The following RBBP5 variants were observed in gnomAD, a reference collection of about 807,000 sequenced individuals.
RBBP5 encodes RB binding protein 5, histone lysine methyltransferase complex subunit.
Under a neutral mutation model 72.2 loss-of-function variants are expected in RBBP5, and 5 were observed. The ratio of observed to expected loss-of-function variants is 0.07; its 90% CI spans 0.04 to 0.15. The LOEUF (loss-of-function observed/expected upper bound fraction) is 0.15, where lower values mean the gene tolerates loss of function less well. Among genes scored for constraint, RBBP5 ranks in the 10% least tolerant of loss-of-function variants. The pLI is 1.00. For missense variants in RBBP5, 322 were observed against 652.2 expected (o/e 0.49, Z 5.51); for synonymous variants, 209 against 237.2 (o/e 0.88, Z 1.09).
chr1:205,121,967 G>T lies in RBBP5; in HGVS notation c.-94C>A. On this transcript the variant is annotated 5_prime_UTR_variant, in exon 1 of 14. Coordinates refer to ENST00000264515, the MANE Select transcript of RBBP5 (RefSeq NM_005057.4). The stretch of plus-strand genomic sequence containing the variant: ...CTTGCGTCTAAGTGGTGGACGCCGC[G>T]AAGAGACTGGCGCAAGCTCCGAAGA... 1 of 1,569,092 alleles carries T rather than the reference G, an allele frequency of 6.4e-7. No homozygotes were observed. Among genetic ancestry groups the T allele is most frequent in the Non-Finnish European group, 8.7e-7 (1 of 1,155,748 alleles).
chr1:205,114,358 T>C (rs1377534089), intron 3 of RBBP5, among the ~76,000 whole-genome samples: 2 of 152,248 alleles, frequency 1.3e-5, no homozygotes, highest in Non-Finnish European at 2.9e-5. Flanking sequence ...TTTTTACGTT[T>C]TCTATAAAGC....
chr1:205,099,234 GA>G lies in RBBP5; in HGVS notation c.979-129del, dbSNP rs892057695. The stretch of plus-strand genomic sequence containing the variant: ...TTCTTAGATTAAATTTGGCAGACAA[GA>G]AAAAAATGGGTATCTGTAAGTTTTA... On this transcript the variant is annotated intron_variant, in intron 9 of 13. Transcript: ENST00000264515. The surrounding 1 kb of genome is among the most constrained non-coding windows in gnomAD (Gnocchi z 4.7). 3.7e-6 allele frequency: 2 copies of G among 542,808 alleles called. No homozygotes were observed. Among genetic ancestry groups the G allele is most frequent in the South Asian group, 7.8e-5 (2 of 25,702 alleles). 33.6% of individuals were successfully genotyped at this position (542,808 alleles called of 1,614,324 possible).
At chr1:205,118,534 A>C (rs1485123267) in intron 1 of RBBP5, among the ~76,000 whole-genome samples, 1 of 151,934 alleles carries the variant, frequency 6.6e-6, no homozygotes, top group African/African-American at 2.4e-5. Flanking sequence ...AATCACTTAA[A>C]CCCAGGAGGC....
At chr1:205,098,948 T>C in intron 10 of RBBP5, 41 bp downstream of exon 10, 1 of 1,305,566 alleles carries the variant, frequency 7.7e-7, no homozygotes, top group African/African-American at 1.5e-5. Context: ...AAGCAATCAT[T>C]TTCCCTTTAG....
intron 3 of RBBP5, among the ~76,000 whole-genome samples, chr1:205,111,070 A>T (rs781109082): frequency 5.9e-5 from 9 of 152,318 alleles, no homozygotes; most frequent in South Asian, 2.1e-4. Context: ...TCTCGAAAAA[A>T]TTTAAAAAAA....
At chr1:205,097,492 C>T in intron 10 of RBBP5, 97 bp from the exon 11 acceptor site, 1 of 1,198,152 alleles carries the variant, frequency 8.3e-7, no homozygotes, top group Non-Finnish European at 1.2e-6. Context: ...TCCAGAGAAA[C>T]AAAGGAGGAA....
chr1:205,101,895 T>C, intron 5 of RBBP5, among the ~76,000 whole-genome samples, 186 bp from the exon 6 acceptor site: 1 of 7,550 alleles, frequency 1.3e-4, no homozygotes, highest in African/African-American at 1.8e-4. Context: ...TAATCTAGTC[T>C]TTTTTTTTTT....
intron 12 of RBBP5, among the ~76,000 whole-genome samples, chr1:205,096,129 G>A (rs982227094): frequency 1.3e-5 from 2 of 152,132 alleles, no homozygotes; most frequent in Non-Finnish European, 1.5e-5. Context: ...GGAGGCGGAG[G>A]TTGCAGTGAA....
rs534926783 is a variant in RBBP5 at position 205,116,071 on chromosome 1, G to A, written c.20-188C>T. ...TGACTTGTTTACTCTCATTATCTCG[G>A]AAATATACAGATGCGTTTTCCTGAG... On this transcript the variant is annotated intron_variant, in intron 1 of 13. Coordinates refer to ENST00000264515, the MANE Select transcript of RBBP5 (RefSeq NM_005057.4). 11 of 1,184,880 alleles carry A rather than the reference G, an allele frequency of 9.3e-6. No homozygotes were observed. The East Asian group carries it at 2.8e-4, about 31-fold the overall frequency. The allele number at this position is 1,184,880 out of a possible 1,614,324, so 73.4% of individuals were successfully genotyped here.
At chr1:205,116,052 G>A (rs1308212940) in intron 1 of RBBP5, 169 bp from the exon 2 acceptor site, 12 of 1,375,244 alleles carry the variant, frequency 8.7e-6, no homozygotes, top group Admixed American at 2.1e-5. Context: ...AAGATGACTT[G>A]TTTACTCTCA....
chr1:205,105,477 A>G (rs1462645515), intron 3 of RBBP5, among the ~76,000 whole-genome samples: 1 of 152,246 alleles, frequency 6.6e-6, no homozygotes, highest in African/African-American at 2.4e-5. Context: ...TTAAGAGTTG[A>G]TATATTTGAA....
intron 2 of RBBP5, among the ~76,000 whole-genome samples, chr1:205,115,230 A>G (rs1018261078): frequency 1.3e-5 from 2 of 152,376 alleles, no homozygotes; most frequent in Non-Finnish European, 2.9e-5. Context: ...GCAAATGGGC[A>G]AAATATAACA....
chr1:205,096,915 T>C lies in RBBP5; in HGVS notation c.1167-4A>G. 1.3e-6 allele frequency: 2 copies of C among 1,583,036 alleles called. No individual in the cohort carries two copies. Among genetic ancestry groups the C allele is most frequent in the Non-Finnish European group, 1.7e-6 (2 of 1,165,922 alleles). ...TGAATCTTCCAGCTCTTCATCACTA[T>C]TTGGAGCAGGATCAGACAAGGGATT... On this transcript the variant is annotated splice_polypyrimidine_tract_variant and splice_region_variant and intron_variant, in intron 11 of 13. Coordinates refer to ENST00000264515, the MANE Select transcript of RBBP5 (RefSeq NM_005057.4).
At chr1:205,092,623 G>C (rs1212391211) in intron 13 of RBBP5, among the ~76,000 whole-genome samples, 1 of 151,146 alleles carries the variant, frequency 6.6e-6, no homozygotes, top group African/African-American at 2.4e-5. Flanking sequence ...CTAATTTTTT[G>C]ATTATTTTGT....
chr1:205,114,701 A>C, intron 3 of RBBP5, 88 bp downstream of exon 3: 1 of 1,201,920 alleles, frequency 8.3e-7, no homozygotes, highest in Non-Finnish European at 1.1e-6. Flanking sequence ...TAAAAATCTA[A>C]GTATTAAAAT....
At position 205,096,880 on chromosome 1, in the gene RBBP5, A is replaced by G; in HGVS notation, c.1198T>C (p.Leu400=). The change falls in exon 12 of 14, where the codon TTG becomes CTG. Residue 400 remains leucine (L), a synonymous_variant. Coordinates refer to ENST00000264515, the MANE Select transcript of RBBP5 (RefSeq NM_005057.4). The part of the protein sequence containing the change: ...DEELEDSKAL[L]YLPIAPEVED... Reference sequence around the variant, plus strand: ...ACCTCAGGGGCAATGGGTAAATACAATAGAGCCTTTGAATCTTCCAGCTCT... The same window carrying G: ...ACCTCAGGGGCAATGGGTAAATACAGTAGAGCCTTTGAATCTTCCAGCTCT... The G allele has an allele frequency of 6.2e-7, 1 of 1,607,422 alleles. No individual in the cohort carries two copies. The highest frequency in any genetic ancestry group is 8.5e-7 in the Non-Finnish European group (1 of 1,177,414).
chr1:205,120,715 G>A (rs957586907), intron 1 of RBBP5, among the ~76,000 whole-genome samples: 1 of 151,956 alleles, frequency 6.6e-6, no homozygotes, highest in South Asian at 2.1e-4. Context: ...CCAGGAGACA[G>A]AGGTTGCAGT....
intron 13 of RBBP5, among the ~76,000 whole-genome samples, chr1:205,090,711 C>T (rs1655311532): frequency 6.6e-6 from 1 of 152,114 alleles, no homozygotes; most frequent in South Asian, 2.1e-4. Context: ...TGGTACTTTC[C>T]AGTAGCAGCC....
intron 2 of RBBP5, 122 bp downstream of exon 2, chr1:205,115,736 G>A: frequency 8.0e-7 from 1 of 1,256,090 alleles, no homozygotes; most frequent in Non-Finnish European, 1.1e-6. Context: ...TATAGCATAA[G>A]ATATATTATC....
Sources: allele counts gnomAD v4.1 joint callset (sites outside exome capture counted in the v4.1 genomes callset), GRCh38; gene constraint gnomAD v4.1.1; non-coding constraint Gnocchi (gnomAD v3.1); transcripts MANE v1.5; gene names NCBI Gene and HGNC (gene_info 2026-07-23, HGNC 2026-07-21).